The following SHB variants were observed in gnomAD, a reference collection of about 807,000 sequenced individuals.
SHB encodes SH2 domain-containing adapter protein B.
SHB carries 20 observed loss-of-function variants against 52.3 expected under a neutral mutation model. That is an observed-to-expected ratio of 0.38 (90% CI 0.27 to 0.56). The LOEUF (loss-of-function observed/expected upper bound fraction) is 0.56, where lower values mean the gene tolerates loss of function less well. SHB is among the 20% of genes least tolerant of loss of function. The pLI, the probability that SHB is intolerant of heterozygous loss-of-function variation, is 0.71. For missense variants in SHB, 825 were observed against 723.3 expected (o/e 1.14, Z -1.61); for synonymous variants, 397 against 316.5 (o/e 1.25, Z -2.70).
At chr9:38,042,366 T>A (rs1821595972) in intron 1 of SHB, among the ~76,000 whole-genome samples, 2 of 152,324 alleles carry the variant, frequency 1.3e-5, no homozygotes, top group South Asian at 4.1e-4. Flanking sequence ...TGCCCTTTAA[T>A]TACTGAGGAG....
At chr9:37,923,188 A>C (rs1189380062) in intron 5 of SHB, among the ~76,000 whole-genome samples, 4 of 152,226 alleles carry the variant, frequency 2.6e-5, no homozygotes, top group Non-Finnish European at 5.9e-5. Flanking sequence ...AGAGGGCCTC[A>C]TGTAACCCTC....
At chr9:38,015,936 C>T in intron 2 of SHB, 75 bp downstream of exon 2, 2 of 1,509,292 alleles carry the variant, frequency 1.3e-6, no homozygotes, top group Non-Finnish European at 1.8e-6. Flanking sequence ...GGTTGGGGAC[C>T]ACCCGGCAGT....
At chr9:37,928,705 G>T (rs1832278363) in intron 5 of SHB, among the ~76,000 whole-genome samples, 1 of 152,250 alleles carries the variant, frequency 6.6e-6, no homozygotes, top group Non-Finnish European at 1.5e-5. Flanking sequence ...GTGAGGGGCA[G>T]ATGAGAACCT....
chr9:37,923,774 G>T (rs1359025642), intron 5 of SHB, among the ~76,000 whole-genome samples: 1 of 152,150 alleles, frequency 6.6e-6, no homozygotes, highest in East Asian at 1.9e-4. Context: ...AAGCAGCCTG[G>T]GGGTCACCTC....
chr9:38,010,599 C>CA (rs1821128039), intron 2 of SHB, among the ~76,000 whole-genome samples: 1 of 152,202 alleles, frequency 6.6e-6, no homozygotes, highest in African/African-American at 2.4e-5. Context: ...CCTCCCACAA[C>CA]CCACTCTACT....
At chr9:38,011,010 C>T (rs1021235185) in intron 2 of SHB, among the ~76,000 whole-genome samples, 3 of 152,212 alleles carry the variant, frequency 2.0e-5, no homozygotes, top group African/African-American at 7.2e-5. Flanking sequence ...TCCACATGGG[C>T]ATCAGGATCA....
At chr9:37,975,164 G>A (rs949305729) in intron 2 of SHB, among the ~76,000 whole-genome samples, 2 of 152,170 alleles carry the variant, frequency 1.3e-5, no homozygotes, top group South Asian at 2.1e-4. Flanking sequence ...CCCAGAACAC[G>A]CAGAGCTTCT....
chr9:37,935,552 T>C (rs1484216609), intron 5 of SHB, among the ~76,000 whole-genome samples: 27 of 152,092 alleles, frequency 1.8e-4, no homozygotes, highest in Admixed American at 1.8e-3. Context: ...TGAGTTGCTG[T>C]GGGGAGTCAG....
intron 2 of SHB, among the ~76,000 whole-genome samples, chr9:37,997,499 G>A (rs1346239893): frequency 1.3e-5 from 2 of 152,180 alleles, no homozygotes; most frequent in Non-Finnish European, 2.9e-5. Flanking sequence ...ATACCTCTGT[G>A]GAGGTCCCCA....
chr9:37,999,603 G>T (rs547641818), intron 2 of SHB, among the ~76,000 whole-genome samples: 9 of 151,874 alleles, frequency 5.9e-5, no homozygotes, highest in African/African-American at 2.2e-4. Flanking sequence ...ACCAAGCGCC[G>T]CATACTGAGT....
intron 1 of SHB, among the ~76,000 whole-genome samples, chr9:38,030,533 T>C (rs968176824): frequency 2.0e-5 from 3 of 152,088 alleles, no homozygotes; most frequent in African/African-American, 7.2e-5. Flanking sequence ...TTAAGAACAT[T>C]AGGTTCTTAT....
At chr9:37,929,943 A>T (rs1401473798) in intron 5 of SHB, among the ~76,000 whole-genome samples, 1 of 152,164 alleles carries the variant, frequency 6.6e-6, no homozygotes, top group Non-Finnish European at 1.5e-5. Context: ...CTCTGTAGAA[A>T]ATTTAAAAAT....
chr9:37,982,977 C>CCCT lies in SHB; in HGVS notation c.839-8141_839-8140insAGG, dbSNP rs547038334. On this transcript the variant is annotated intron_variant, in intron 2 of 5. Transcript: ENST00000377707. ...AAATCAGCAGGCCTCTCTGGTGCCC[C>CCCT]CCCCTCCATCTTTTCCAGCTGTGCT... Among the ~76,000 whole-genome samples the CCCT allele has an allele frequency of 2.3e-4, 34 of 145,820 alleles. 1 individual carries two copies. The highest frequency in any genetic ancestry group is 7.3e-3 in the Middle Eastern group (2 of 274).
At chr9:38,034,266 C>A (rs1200756038) in intron 1 of SHB, among the ~76,000 whole-genome samples, 2 of 152,260 alleles carry the variant, frequency 1.3e-5, no homozygotes, top group African/African-American at 4.8e-5. Context: ...GAGGCCTCCA[C>A]TGCCTGGGAC....
At chr9:38,033,473 C>T (rs995235925) in intron 1 of SHB, among the ~76,000 whole-genome samples, 13 of 152,244 alleles carry the variant, frequency 8.5e-5, no homozygotes, top group African/African-American at 2.4e-4. Context: ...CACTTGAGCC[C>T]GCGAGTTCGA....
At position 38,054,871 on chromosome 9, in the gene SHB, G is replaced by A. The variant is rs1011887976; in HGVS notation, c.717+13058C>T. ...CAACCCCAGCTGTGCAAAGGTGGCC[G>A]GACAAAAGGTAACAAATCTCAACAT... On this transcript the variant is annotated intron_variant, in intron 1 of 5. Transcript: ENST00000377707. Among the ~76,000 whole-genome samples, 13 of 152,288 alleles carry A rather than the reference G, an allele frequency of 8.5e-5. No individual in the cohort carries two copies. The South Asian group carries it at 1.2e-3, about 15-fold the overall frequency.
chr9:38,057,519 T>C (rs1821837315), intron 1 of SHB, among the ~76,000 whole-genome samples: 2 of 152,326 alleles, frequency 1.3e-5, no homozygotes, highest in South Asian at 2.1e-4. Flanking sequence ...AGCTGGTCCC[T>C]TTCTGAGGAA....
At chr9:38,009,836 T>C (rs1000054097) in intron 2 of SHB, among the ~76,000 whole-genome samples, 1 of 152,324 alleles carries the variant, frequency 6.6e-6, no homozygotes, top group African/African-American at 2.4e-5. Flanking sequence ...TGACTTTAAT[T>C]TCCTCTTATT....
At chr9:38,007,012 G>C (rs1821083198) in intron 2 of SHB, among the ~76,000 whole-genome samples, 1 of 152,166 alleles carries the variant, frequency 6.6e-6, no homozygotes, top group South Asian at 2.1e-4. Flanking sequence ...GAGTTTCGGG[G>C]AATCATGGGT....
Sources: gnomAD v4.1 joint callset for allele counts (sites outside exome capture counted in the v4.1 genomes callset) on GRCh38, gnomAD v4.1.1 for gene constraint, MANE v1.5 for transcripts, NCBI Gene and HGNC (gene_info 2026-07-23, HGNC 2026-07-21) for gene names.